KDM5C: variants seen among roughly 807,000 people sequenced by gnomAD.
KDM5C encodes lysine demethylase 5C.
Under a neutral mutation model 110.6 loss-of-function variants are expected in KDM5C, and 16 were observed. The observed-to-expected ratio is 0.14, with a 90% CI of 0.10 to 0.22. The LOEUF (loss-of-function observed/expected upper bound fraction) is 0.22. Ranked by LOEUF, KDM5C falls within the 10% of genes least tolerant of loss-of-function variation. KDM5C has a pLI of 1.00. For synonymous variants in KDM5C, 511 were observed against 520.4 expected, an observed-to-expected ratio of 0.98 and a Z score of 0.24; for missense variants, 681 against 1,300.9, an observed-to-expected ratio of 0.52 and a Z score of 7.33.
downstream of KDM5C, chrX:53,192,041 G>T (rs1355344832): frequency 2.0e-5 from 3 of 150,157 alleles, no homozygotes; most frequent in Admixed American, 3.3e-4. Context: ...CTTGATTTCA[G>T]AACCCAGAGC....
chrX:53,199,218 C>T lies in KDM5C; in HGVS notation c.2062-60G>A, dbSNP rs782147638. The T allele has an allele frequency of 2.0e-5, 22 of 1,107,152 alleles. No homozygotes were observed. In the East Asian group the frequency reaches 6.6e-4, roughly 33 times the overall value. 91.2% of individuals were successfully genotyped at this position (1,107,152 alleles called of 1,213,427 possible). A position where few individuals can be genotyped will look rare whatever the true frequency, so the allele number is the denominator to read the frequency against. On this transcript the variant is annotated intron_variant, in intron 14 of 25. Coordinates refer to ENST00000375401, the MANE Select transcript of KDM5C (RefSeq NM_004187.5). ...AGAACCAGGTAGCAAAATCCTCCAT[C>T]TCAGCCACCACCGACCCCTACTTTA... is the stretch of plus-strand genomic sequence containing the variant.
At position 53,198,766 on chromosome X, in the gene KDM5C, C is replaced by T. The variant is rs2146850608; in HGVS notation, c.2366G>A (p.Arg789His). 8.2e-7 allele frequency: 1 copy of T among 1,212,197 alleles called. No homozygotes were observed. The highest frequency in any genetic ancestry group is 3.0e-5 in the East Asian group (1 of 33,853). ...CCTCCATCCCCCCCATCACTCACTG[C>T]GCTTCCGCCCATCCTCCACCTCCAG... The part of the protein sequence containing the change: ...VALEVEDGRK[R>H]SLEELRALES... The change falls in exon 16 of 26, where the codon CGC (arginine) becomes CAC (histidine). Residue 789 changes from arginine to histidine, a missense_variant and splice_region_variant. This residue lies in a region of KDM5C where 123 missense variants were observed against 169.0 expected (regional missense o/e 0.73). Coordinates refer to ENST00000375401, the MANE Select transcript of KDM5C (RefSeq NM_004187.5).
Position 53,193,159 on chromosome X carries a change from C to T in KDM5C, c.4491G>A (p.Glu1497=). 1 of 1,210,868 alleles carries T rather than the reference C, an allele frequency of 8.3e-7. No individual in the cohort carries two copies. Among genetic ancestry groups the T allele is most frequent in the African/African-American group, 1.7e-5 (1 of 57,613 alleles). Residue 1497 remains glutamate, a synonymous_variant, in exon 26 of 26, where the codon GAG becomes GAA. Transcript: ENST00000375401. ...PEAEEVQEEE[E]LEEETGGEGP... is the part of the protein sequence containing the mutation. ...CCTCACCCCCAGTCTCCTCCTCCAG[C>T]TCTTCCTCCTCCTGGACCTCCTCAG...
intron 18 of KDM5C, 69 bp downstream of exon 18, chrX:53,197,702 C>T (rs781869188): frequency 1.3e-4 from 112 of 880,612 alleles, no homozygotes; most frequent in Non-Finnish European, 1.7e-4. Context: ...TTGAAAGGAG[C>T]CAAGCATGGC....
chrX:53,201,384 G>A (rs1466177873), intron 14 of KDM5C, 166 bp downstream of exon 14: 1 of 506,489 alleles, frequency 2.0e-6, no homozygotes, highest in Non-Finnish European at 3.5e-6. Context: ...TCGACTTAAG[G>A]TTGCTGGTAA....
intron 18 of KDM5C, among the ~76,000 whole-genome samples, chrX:53,197,490 C>T (rs1412875644): frequency 9.1e-6 from 1 of 109,559 alleles, no homozygotes; most frequent in South Asian, 4.0e-4. Context: ...CTTTCCAAGC[C>T]CAACAAGCAC....
intron 5 of KDM5C, 139 bp downstream of exon 5, chrX:53,217,004 G>T: frequency 1.3e-6 from 1 of 768,709 alleles, no homozygotes; most frequent in Non-Finnish European, 1.9e-6. Flanking sequence ...AGTGAAGCCA[G>T]AGAGAGGCAC....
Position 53,195,224 on chromosome X carries a change from G to A in KDM5C, c.3300+7C>T. The A allele has an allele frequency of 8.3e-7, 1 of 1,199,003 alleles. No individual in the cohort carries two copies. Among genetic ancestry groups the A allele is most frequent in the African/African-American group, 1.7e-5 (1 of 57,643 alleles). ...GAGACGCTGTAGGTCAAGGTCCCAG[G>A]CCTCACCTCCAGCAGCGTGTAGCAA... is the stretch of plus-strand genomic sequence containing the variant. On this transcript the variant is annotated splice_region_variant and intron_variant, in intron 21 of 25. Transcript: ENST00000375401.
At chrX:53,198,139 T>C (rs1426196022) in intron 17 of KDM5C, among the ~76,000 whole-genome samples, 1 of 112,090 alleles carries the variant, frequency 8.9e-6, no homozygotes, top group Non-Finnish European at 1.9e-5. Flanking sequence ...TAAAGCTGTG[T>C]TAGCAGGGAT....
Position 53,201,547 on chromosome X carries a change from C to T in KDM5C, c.2061+3G>A. The T allele has an allele frequency of 8.3e-7, 1 of 1,210,995 alleles. No homozygotes were observed. Among genetic ancestry groups the T allele is most frequent in the Non-Finnish European group, 1.1e-6 (1 of 894,888 alleles). ...GGTGCTTGATCTGGGGTACTCTCCC[C>T]ACCTTCTCCAGCAGGGCCTTTCGTA... On this transcript the variant is annotated splice_donor_region_variant and intron_variant, in intron 14 of 25. Transcript: ENST00000375401.
intron 1 of KDM5C, among the ~76,000 whole-genome samples, chrX:53,222,196 G>A (rs908024804): frequency 1.8e-5 from 2 of 109,948 alleles, no homozygotes; most frequent in African/African-American, 3.3e-5. Flanking sequence ...ACGTGGGCGG[G>A]GGGGAGAGAC....
chrX:53,213,565 TCTC>T (rs1317505551), intron 8 of KDM5C, among the ~76,000 whole-genome samples: 2 of 111,347 alleles, frequency 1.8e-5, no homozygotes. Context: ...CTTCAGCTGC[TCTC>T]CTTACTGCCC....
intron 12 of KDM5C, among the ~76,000 whole-genome samples, chrX:53,208,805 CTTTTTTTTTTTT>C (rs782216325): frequency 4.1e-4 from 9 of 22,173 alleles, no homozygotes; most frequent in Admixed American, 9.4e-4. Flanking sequence ...ACACCCGGCT[CTTTTTTTTTTTT>C]TTTTTTTTTT....
chrX:53,198,503 C>A lies in KDM5C; in HGVS notation c.2503G>T (p.Gly835Cys). Residue 835 changes from glycine (G) to cysteine (C), a missense_variant, in exon 17 of 26, where the codon GGC (glycine) becomes TGC (cysteine). Physicochemically the swap from Gly to Cys is radical, Grantham distance 159. Transcript: ENST00000375401. ...CVSRALGLVSGQEAGPHRVAG... is the reference protein window; with the variant it reads ...CVSRALGLVSCQEAGPHRVAG... ...ACGCTGTCATACCCAGCTTCCTGGC[C>A]GCTGACCAGTCCCAGAGCTCGGGAC... 8.3e-7 allele frequency: 1 copy of A among 1,204,182 alleles called. No homozygotes were observed. The highest frequency in any genetic ancestry group is 1.1e-6 in the Non-Finnish European group (1 of 891,452).
chrX:53,221,301 T>G (rs1173332863), intron 1 of KDM5C, among the ~76,000 whole-genome samples: 1 of 110,340 alleles, frequency 9.1e-6, no homozygotes, highest in East Asian at 2.8e-4. Flanking sequence ...GGCCTGGGAG[T>G]ACTGGAAAGC....
chrX:53,209,189 G>A (rs1056976735), intron 12 of KDM5C, among the ~76,000 whole-genome samples: 18 of 110,722 alleles, frequency 1.6e-4, no homozygotes, highest in Admixed American at 8.7e-4. Context: ...GTCAGGAAGA[G>A]AGAAGTCTAA....
chrX:53,212,658 G>C (rs1284009230), intron 8 of KDM5C: 1 of 111,039 alleles, frequency 9.0e-6, no homozygotes, highest in African/African-American at 3.3e-5. Context: ...GCCCAGACTA[G>C]AACTGTAAGG....
chrX:53,206,135 T>C (rs1321638762), intron 12 of KDM5C, among the ~76,000 whole-genome samples: 2 of 112,663 alleles, frequency 1.8e-5, no homozygotes, highest in Non-Finnish European at 3.7e-5. Context: ...CTGGTGTATA[T>C]TACTGGGCCA....
intron 12 of KDM5C, 55 bp from the exon 13 acceptor site, chrX:53,202,028 C>A (rs2146869374): frequency 8.3e-7 from 1 of 1,198,490 alleles, no homozygotes; most frequent in East Asian, 3.0e-5. Flanking sequence ...TGTATACAGA[C>A]CTGACTTAAG....
Sources: allele counts gnomAD v4.1 joint callset (sites outside exome capture counted in the v4.1 genomes callset), GRCh38; gene constraint gnomAD v4.1.1; regional missense constraint gnomAD v4.1.1; transcripts MANE v1.5; gene names NCBI Gene and HGNC (gene_info 2026-07-23, HGNC 2026-07-21).